FAF1: variants seen among roughly 807,000 people sequenced by gnomAD.
FAF1 encodes Fas associated factor 1, also known as FAS-associated factor 1.
FAF1 carries 25 observed loss-of-function variants against 92.5 expected under a neutral mutation model. That is an observed-to-expected ratio of 0.27 (90% CI 0.20 to 0.38). FAF1 has a LOEUF of 0.38. FAF1 is among the 10% of genes least tolerant of loss of function. FAF1 has a pLI of 1.00. For missense variants in FAF1, 636 were observed against 793.3 expected (o/e 0.80, Z 2.38); for synonymous variants, 234 against 273.2 (o/e 0.86, Z 1.42).
chr1:50,836,480 T>A (rs771738020), intron 2 of FAF1, among the ~76,000 whole-genome samples: 24 of 152,218 alleles, frequency 1.6e-4, no homozygotes, highest in Non-Finnish European at 3.1e-4. Context: ...ACCAAAATAG[T>A]AAGTTGCACT....
At chr1:50,722,478 C>G (rs149734277) in intron 6 of FAF1, among the ~76,000 whole-genome samples, 1,973 of 152,150 alleles carry the variant, frequency 0.013, 42 homozygotes, top group African/African-American at 0.043. Context: ...GAAACTCGGT[C>G]TCTACTAAAA....
At chr1:50,845,655 C>T (rs554121708) in intron 2 of FAF1, among the ~76,000 whole-genome samples, 38 of 152,088 alleles carry the variant, frequency 2.5e-4, no homozygotes, top group Admixed American at 4.6e-4. Context: ...CTGGTGTAGC[C>T]AAACCAGTAA....
intron 1 of FAF1, among the ~76,000 whole-genome samples, chr1:50,940,245 C>T (rs556548491): frequency 6.6e-6 from 1 of 152,200 alleles, no homozygotes; most frequent in East Asian, 1.9e-4. Context: ...CCAGTAAGTA[C>T]ATTACCAGAT....
chr1:50,624,153 G>A (rs572751907), intron 8 of FAF1, among the ~76,000 whole-genome samples: 9 of 152,016 alleles, frequency 5.9e-5, no homozygotes, highest in Admixed American at 3.3e-4. Flanking sequence ...CACAACTTTC[G>A]AACTTTTTTT....
At chr1:50,958,826 G>C (rs1645292434) in intron 1 of FAF1, among the ~76,000 whole-genome samples, 2 of 152,144 alleles carry the variant, frequency 1.3e-5, no homozygotes, top group South Asian at 4.1e-4. Flanking sequence ...TAAAAAAGAG[G>C]GAAAAGTCTG....
At chr1:50,619,293 G>A (rs1653080850) in intron 8 of FAF1, among the ~76,000 whole-genome samples, 1 of 152,208 alleles carries the variant, frequency 6.6e-6, no homozygotes, top group African/African-American at 2.4e-5. Context: ...TTAGCTGGCT[G>A]CTATGTAGAC....
chr1:50,621,133 T>C (rs923378133), intron 8 of FAF1, among the ~76,000 whole-genome samples: 1 of 152,216 alleles, frequency 6.6e-6, no homozygotes, highest in African/African-American at 2.4e-5. Flanking sequence ...CTAAGCTACA[T>C]GCCACAGCCC....
intron 4 of FAF1, among the ~76,000 whole-genome samples, chr1:50,763,067 C>T (rs963259826): frequency 6.6e-6 from 1 of 152,034 alleles, no homozygotes; most frequent in African/African-American, 2.4e-5. Context: ...CCAGCCTAGC[C>T]AACATACTGA....
intron 15 of FAF1, among the ~76,000 whole-genome samples, chr1:50,511,458 T>G (rs1319091493): frequency 1.3e-5 from 2 of 151,980 alleles, no homozygotes; most frequent in Non-Finnish European, 2.9e-5. Context: ...CCATGTGTTC[T>G]CATTGTTCAA....
At chr1:50,559,769 A>G (rs1214597543) in intron 13 of FAF1, among the ~76,000 whole-genome samples, 1 of 152,182 alleles carries the variant, frequency 6.6e-6, no homozygotes, top group African/African-American at 2.4e-5. Flanking sequence ...CCTCTTCACA[A>G]AACAAACCAG....
Position 50,913,001 on chromosome 1 carries a change from A to C in FAF1, c.45+46766T>G, listed in dbSNP as rs2124724291. On this transcript the variant is annotated intron_variant, in intron 1 of 18. Coordinates refer to ENST00000396153, the MANE Select transcript of FAF1 (RefSeq NM_007051.3). Reference sequence around the variant, plus strand: ...AACCAGCCAGTTAGTGAATTGGGGCATTCAAGCCTTAAAAAGCCTTAAACA... The same window carrying C: ...AACCAGCCAGTTAGTGAATTGGGGCCTTCAAGCCTTAAAAAGCCTTAAACA... Among the ~76,000 whole-genome samples, 2 of 152,350 alleles carry C rather than the reference A, an allele frequency of 1.3e-5. 1 individual carries two copies. Among genetic ancestry groups the C allele is most frequent in the Middle Eastern group, 6.8e-3 (2 of 294 alleles).
At chr1:50,811,251 A>C (rs1643906612) in intron 2 of FAF1, among the ~76,000 whole-genome samples, 1 of 152,192 alleles carries the variant, frequency 6.6e-6, no homozygotes, top group African/African-American at 2.4e-5. Flanking sequence ...ACATGGGAAG[A>C]TCACTTGGGC....
At chr1:50,512,545 C>G (rs1377061358) in intron 15 of FAF1, among the ~76,000 whole-genome samples, 1 of 152,034 alleles carries the variant, frequency 6.6e-6, no homozygotes, top group African/African-American at 2.4e-5. Flanking sequence ...GATGGTTGTA[C>G]ATGTGTGGTG....
At chr1:50,615,947 G>A (rs1235220303) in intron 8 of FAF1, among the ~76,000 whole-genome samples, 1 of 151,982 alleles carries the variant, frequency 6.6e-6, no homozygotes, top group Non-Finnish European at 1.5e-5. Flanking sequence ...TATTGAGAAG[G>A]GTATTTCCCA....
chr1:50,948,571 C>T (rs1212483304), intron 1 of FAF1, among the ~76,000 whole-genome samples: 2 of 144,614 alleles, frequency 1.4e-5, no homozygotes, highest in East Asian at 2.0e-4. Flanking sequence ...CTTGCTCTGT[C>T]GCCCAGGCTG....
chr1:50,932,282 G>T (rs927524825), intron 1 of FAF1, among the ~76,000 whole-genome samples: 21 of 152,126 alleles, frequency 1.4e-4, no homozygotes, highest in African/African-American at 5.1e-4. Context: ...CTGAGACAAG[G>T]CAAGTCCCTT....
intron 3 of FAF1, among the ~76,000 whole-genome samples, chr1:50,798,802 A>G (rs1212314843): frequency 6.6e-6 from 1 of 151,540 alleles, no homozygotes; most frequent in African/African-American, 2.4e-5. Context: ...TAATAACTAT[A>G]AAAAACCAAG....
At position 50,895,220 on chromosome 1, in the gene FAF1, G is replaced by C. The variant is rs115070052; in HGVS notation, c.46-37223C>G. Among the ~76,000 whole-genome samples, 311 of 152,122 alleles carry C rather than the reference G, an allele frequency of 2.0e-3. 1 individual carries two copies. Among genetic ancestry groups the C allele is most frequent in the African/African-American group, 7.0e-3 (289 of 41,500 alleles). On this transcript the variant is annotated intron_variant, in intron 1 of 18. Coordinates refer to ENST00000396153, the MANE Select transcript of FAF1 (RefSeq NM_007051.3). ...ACCACAGAAATTCAAAGGATCATTA[G>C]AGGCTACCATGACCACCTACATGCC...
chr1:50,884,829 G>C (rs1644645145), intron 1 of FAF1, among the ~76,000 whole-genome samples: 1 of 151,900 alleles, frequency 6.6e-6, no homozygotes, highest in Non-Finnish European at 1.5e-5. Context: ...TTTCATATTA[G>C]GTTGAGTAAA....
Sources: allele counts gnomAD v4.1 joint callset (sites outside exome capture counted in the v4.1 genomes callset), GRCh38; gene constraint gnomAD v4.1.1; transcripts MANE v1.5; gene names NCBI Gene and HGNC (gene_info 2026-07-23, HGNC 2026-07-21).